The following FRY variants were observed in gnomAD, a reference collection of about 807,000 sequenced individuals.
FRY encodes protein furry homolog.
FRY carries 128 observed loss-of-function variants against 348.4 expected under a neutral mutation model. The observed-to-expected ratio is 0.37, with a 90% CI of 0.32 to 0.43. FRY has a LOEUF of 0.43. FRY is among the 20% of genes least tolerant of loss of function. The pLI is 1.00. For missense variants in FRY, 2,736 were observed against 3,695.2 expected (o/e 0.74, Z 6.73); for synonymous variants, 1,370 against 1,374.7 (o/e 1.00, Z 0.08).
chr13:32,135,011 TA>T lies in FRY; in HGVS notation c.978+20del, dbSNP rs2138774441. The T allele has an allele frequency of 1.3e-6, 2 of 1,585,252 alleles. No homozygotes were observed. The highest frequency in any genetic ancestry group is 1.7e-6 in the Non-Finnish European group (2 of 1,153,550). ...CAGTTGCTGCTGTGAGTTTCATTTC[TA>T]AAAACTCCTTCAAATTGTATCACAA... On this transcript the variant is annotated intron_variant, in intron 9 of 60. Coordinates refer to ENST00000542859, the MANE Select transcript of FRY (RefSeq NM_023037.3).
In FRY at chr13:32,234,669, CG is replaced by C; in HGVS notation, c.5626del (p.Ala1876ProfsTer21). 3 of 1,614,016 alleles carry C rather than the reference CG, an allele frequency of 1.9e-6. No homozygotes were observed. The highest frequency in any genetic ancestry group is 8.5e-7 in the Non-Finnish European group (1 of 1,179,940). On this transcript the variant is annotated frameshift_variant, in exon 42 of 61. Transcript: ENST00000542859. LOFTEE classifies it high-confidence loss of function. ...TGCTGGTCGGTCCTTCCAGATATTC[CG>C]GGCCCTCAAGCAACCTCTGTCAGCA... ...HYAGRSFQIF[R>X]ALKQPLSAHA...
chr13:32,218,031 C>T (rs1454523214), intron 35 of FRY, among the ~76,000 whole-genome samples: 1 of 152,040 alleles, frequency 6.6e-6, no homozygotes, highest in East Asian at 1.9e-4. Context: ...TATTATAAAG[C>T]TATTTTTGTG....
chr13:32,240,624 T>C (rs749537989), intron 46 of FRY, among the ~76,000 whole-genome samples: 12 of 152,188 alleles, frequency 7.9e-5, no homozygotes, highest in Non-Finnish European at 1.3e-4. Context: ...AGAGATGAAA[T>C]GTATTCCGTT....
chr13:32,184,599 G>T lies in FRY; in HGVS notation c.3055-1G>T. The T allele has an allele frequency of 1.2e-6, 2 of 1,606,054 alleles. No homozygotes were observed. Among genetic ancestry groups the T allele is most frequent in the Non-Finnish European group, 1.7e-6 (2 of 1,172,722 alleles). On this transcript the variant is annotated splice_acceptor_variant, in intron 24 of 60. Coordinates refer to ENST00000542859, the MANE Select transcript of FRY (RefSeq NM_023037.3). LOFTEE classifies it high-confidence loss of function. ...AAGTGATACTACCTCTTTCTACACAGAACAAGAAACGCCGAGAACGGCGAG... is the reference window on the plus strand; with the variant it reads ...AAGTGATACTACCTCTTTCTACACATAACAAGAAACGCCGAGAACGGCGAG...
intron 36 of FRY, among the ~76,000 whole-genome samples, chr13:32,223,105 T>C (rs1401946620): frequency 1.3e-5 from 2 of 152,088 alleles, no homozygotes; most frequent in African/African-American, 2.4e-5. Flanking sequence ...TACAGGCGTG[T>C]ACCACCACCC....
rs533636841 is a variant in FRY at position 32,164,235 on chromosome 13, G to C, written c.1892+2984G>C. ...TACCCCCACAGTCCAGTTGCCTTCG[G>C]ATTCAATTGACCTGAGATAATATAT... On this transcript the variant is annotated intron_variant, in intron 17 of 60. Transcript: ENST00000542859. Among the ~76,000 whole-genome samples the C allele has an allele frequency of 2.0e-5, 3 of 152,340 alleles. No homozygotes were observed. In the South Asian group the frequency reaches 6.2e-4, roughly 32 times the overall value.
chr13:32,173,532 G>C lies in FRY; in HGVS notation c.2317G>C (p.Ala773Pro), dbSNP rs1882210416. The stretch of plus-strand genomic sequence containing the variant: ...CAAGGAAATTCGAGCGTTGTTTATT[G>C]CCCTGGGGCAGCCTGAGGTATGGAT... ...ILKEIRALFIALGQPEDDDRP... is the reference protein window; with the variant it reads ...ILKEIRALFIPLGQPEDDDRP... The change falls in exon 19 of 61, where the codon GCC becomes CCC. Residue 773 changes from alanine to proline, a missense_variant. Physicochemically the swap from Ala to Pro is conservative, Grantham distance 27. Transcript: ENST00000542859. The C allele has an allele frequency of 6.2e-7, 1 of 1,613,226 alleles. No individual in the cohort carries two copies. Among genetic ancestry groups the C allele is most frequent in the Non-Finnish European group, 8.5e-7 (1 of 1,179,642 alleles).
intron 8 of FRY, among the ~76,000 whole-genome samples, chr13:32,133,768 CTTTTTTTTTTTTT>C (rs34413710): frequency 1.1e-5 from 1 of 89,286 alleles, no homozygotes; most frequent in Non-Finnish European, 2.1e-5. Context: ...TTCTTTCTTT[CTTTTTTTTTTTTT>C]TTTTTTTTTG....
chr13:32,045,839 C>T (rs1224329351), intron 1 of FRY, among the ~76,000 whole-genome samples: 8 of 152,052 alleles, frequency 5.3e-5, no homozygotes, highest in Non-Finnish European at 7.4e-5. Flanking sequence ...TTTATGCTGG[C>T]GAGATTCAAA....
chr13:32,136,848 GACCTC>G lies in FRY; in HGVS notation c.1078-22_1078-18del. 8.3e-7 allele frequency: 1 copy of G among 1,208,116 alleles called. No homozygotes were observed. The highest frequency in any genetic ancestry group is 1.2e-6 in the Non-Finnish European group (1 of 809,176). The allele number at this position is 1,208,116 out of a possible 1,614,324, so 74.8% of individuals were successfully genotyped here. Reference sequence around the variant, plus strand: ...TTTGTTGAAATATAAATGATCCTGTGACCTCCTCTCCTTTCTCCTCAGGCCTTGTA... The same window carrying G: ...TTTGTTGAAATATAAATGATCCTGTGCTCTCCTTTCTCCTCAGGCCTTGTA... On this transcript the variant is annotated intron_variant, in intron 10 of 60. Coordinates refer to ENST00000542859, the MANE Select transcript of FRY (RefSeq NM_023037.3).
intron 2 of FRY, among the ~76,000 whole-genome samples, chr13:32,086,302 T>C (rs1322069372): frequency 1.3e-5 from 2 of 152,238 alleles, no homozygotes; most frequent in African/African-American, 4.8e-5. Context: ...TTTTTTATTA[T>C]AGCCCTGCCA....
In FRY at chr13:32,289,642, C is replaced by A; in HGVS notation, c.8479C>A (p.Leu2827Met). The change falls in exon 59 of 61, where the codon CTG becomes ATG. Residue 2827 changes from leucine (L) to methionine (M), a missense_variant. By Grantham distance (15) the Leu-to-Met change is conservative. Coordinates refer to ENST00000542859, the MANE Select transcript of FRY (RefSeq NM_023037.3). ...PGDSEEKQLE[L>M]CQRLYKLHFQ... Reference sequence around the variant, plus strand: ...CAATTTCTCTCTTTAGCAATTGGAACTGTGTCAGAGATTATATAAGCTACA... The same window carrying A: ...CAATTTCTCTCTTTAGCAATTGGAAATGTGTCAGAGATTATATAAGCTACA... The A allele has an allele frequency of 6.3e-7, 1 of 1,584,128 alleles. No homozygotes were observed. The highest frequency in any genetic ancestry group is 8.7e-7 in the Non-Finnish European group (1 of 1,152,694).
chr13:32,075,540 G>A (rs1419744304), intron 1 of FRY, among the ~76,000 whole-genome samples: 1 of 152,162 alleles, frequency 6.6e-6, no homozygotes, highest in African/African-American at 2.4e-5. Context: ...GCTGTGAGAG[G>A]GTCTGATGAT....
chr13:32,134,177 A>T (rs184586050), intron 8 of FRY, among the ~76,000 whole-genome samples: 4 of 152,308 alleles, frequency 2.6e-5, no homozygotes, highest in Admixed American at 2.0e-4. Context: ...AATTCTGCCA[A>T]CTTTCCTTTT....
In FRY at chr13:32,234,661, A is replaced by G. The variant is rs760972744; in HGVS notation, c.5615A>G (p.Gln1872Arg). ...SSRHYAGRSF[Q>R]IFRALKQPLS... ...AGGCACTATGCTGGTCGGTCCTTCC[A>G]GATATTCCGGGCCCTCAAGCAACCT... Residue 1872 changes from glutamine to arginine, a missense_variant, in exon 42 of 61, where the codon CAG becomes CGG. Gln to Arg is a conservative substitution (Grantham distance 43). This residue lies in a region of FRY where 794 missense variants were observed against 977.0 expected (regional missense o/e 0.81). Transcript: ENST00000542859. 2.5e-6 allele frequency: 4 copies of G among 1,613,998 alleles called. No homozygotes were observed. The African/African-American group carries it at 5.3e-5, about 22-fold the overall frequency.
At chr13:32,066,892 A>G (rs1874291148) in intron 1 of FRY, among the ~76,000 whole-genome samples, 1 of 152,230 alleles carries the variant, frequency 6.6e-6, no homozygotes, top group Non-Finnish European at 1.5e-5. Flanking sequence ...TAAGTTTTTC[A>G]TATATGCTCT....
At chr13:32,140,095 CAAA>C (rs1879967769) in intron 11 of FRY, among the ~76,000 whole-genome samples, 2 of 126,680 alleles carry the variant, frequency 1.6e-5, no homozygotes, top group African/African-American at 7.8e-5. Context: ...AAAAAAAAAA[CAAA>C]AACAGAAAAG....
intron 1 of FRY, among the ~76,000 whole-genome samples, chr13:32,071,941 G>A (rs1177421712): frequency 6.6e-6 from 1 of 152,046 alleles, no homozygotes; most frequent in African/African-American, 2.4e-5. Flanking sequence ...ATAAAAGACA[G>A]GGCGATATGG....
chr13:32,104,706 C>T (rs1270967338), intron 3 of FRY, among the ~76,000 whole-genome samples: 1 of 152,158 alleles, frequency 6.6e-6, no homozygotes, highest in Non-Finnish European at 1.5e-5. Context: ...ATTGTAGCTC[C>T]CATAATTCCC....
Sources: gnomAD v4.1 joint callset for allele counts (sites outside exome capture counted in the v4.1 genomes callset) on GRCh38, gnomAD v4.1.1 for gene constraint, gnomAD v4.1.1 regional missense constraint, MANE v1.5 for transcripts, NCBI Gene and HGNC (gene_info 2026-07-23, HGNC 2026-07-21) for gene names.